Variants in STARD13 observed in about 807,000 individuals in gnomAD.
STARD13 encodes the protein StAR related lipid transfer domain containing 13.
STARD13 carries 62 observed loss-of-function variants against 106.4 expected under a neutral mutation model. That is an observed-to-expected ratio of 0.58 (90% CI 0.48 to 0.72). The LOEUF (loss-of-function observed/expected upper bound fraction) is 0.72, where lower values mean the gene tolerates loss of function less well. Among genes scored for constraint, STARD13 ranks in the 30% least tolerant of loss-of-function variants. STARD13 has a pLI of 0.00. For synonymous variants in STARD13, 565 were observed against 553.0 expected (o/e 1.02, Z -0.31); for missense variants, 1,387 against 1,424.0 (o/e 0.97, Z 0.42).
intron 1 of STARD13, among the ~76,000 whole-genome samples, chr13:33,232,366 A>T (rs1349337602): frequency 6.6e-6 from 1 of 152,166 alleles, no homozygotes; most frequent in African/African-American, 2.4e-5. Flanking sequence ...GTATTTAAAA[A>T]TTTCTTTTAT....
At chr13:33,224,825 A>G (rs147130098) in intron 1 of STARD13, among the ~76,000 whole-genome samples, 110 of 152,322 alleles carry the variant, frequency 7.2e-4, no homozygotes, top group Middle Eastern at 6.8e-3. Context: ...GAGATGTAAA[A>G]CATCACCATC....
the STARD13 span, among the ~76,000 whole-genome samples, chr13:33,580,044 G>T: frequency 1.3e-5 from 2 of 152,040 alleles, no homozygotes; most frequent in Admixed American, 1.3e-4. Context: ...ATAAGATCCT[G>T]CAGTTGCACT....
chr13:33,599,696 C>T, the STARD13 span, among the ~76,000 whole-genome samples: 2 of 151,886 alleles, frequency 1.3e-5, no homozygotes, highest in South Asian at 2.1e-4. Context: ...ACTGAACTAG[C>T]GCTATGAGAG....
At chr13:33,431,202 C>CTA in the STARD13 span, among the ~76,000 whole-genome samples, 1 of 151,994 alleles carries the variant, frequency 6.6e-6, no homozygotes, top group Non-Finnish European at 1.5e-5. Flanking sequence ...CTGTGTATAT[C>CTA]TATTGCGCAT....
At chr13:33,582,924 A>G in the STARD13 span, among the ~76,000 whole-genome samples, 1 of 152,176 alleles carries the variant, frequency 6.6e-6, no homozygotes, top group Non-Finnish European at 1.5e-5. Flanking sequence ...TTGCTTGCCC[A>G]ATTTCGGCTT....
chr13:33,546,889 G>C, the STARD13 span, among the ~76,000 whole-genome samples: 42 of 152,196 alleles, frequency 2.8e-4, no homozygotes, highest in African/African-American at 9.4e-4. Flanking sequence ...CTTTTAAAGT[G>C]AAAGTATTGA....
intron 1 of STARD13, among the ~76,000 whole-genome samples, chr13:33,322,363 CTG>C (rs1893594217): frequency 6.6e-6 from 1 of 152,204 alleles, no homozygotes; most frequent in African/African-American, 2.4e-5. Flanking sequence ...AAGGAGCTCT[CTG>C]TTTTCACTGT....
At chr13:33,610,265 G>T in the STARD13 span, among the ~76,000 whole-genome samples, 1 of 152,128 alleles carries the variant, frequency 6.6e-6, no homozygotes, top group Non-Finnish European at 1.5e-5. Context: ...GGGGAGGGGA[G>T]GGATGAAGGT....
chr13:33,535,991 T>C, the STARD13 span, among the ~76,000 whole-genome samples: 5 of 152,198 alleles, frequency 3.3e-5, no homozygotes. Flanking sequence ...GTCCTCATCA[T>C]GATCTGGAAT....
chr13:33,387,162 T>C, the STARD13 span, among the ~76,000 whole-genome samples: 2 of 152,186 alleles, frequency 1.3e-5, no homozygotes, highest in Non-Finnish European at 2.9e-5. Flanking sequence ...TGCATCACTA[T>C]GCCTAGCTAA....
chr13:33,219,924 A>G (rs186234755), intron 1 of STARD13, among the ~76,000 whole-genome samples: 8 of 152,294 alleles, frequency 5.3e-5, no homozygotes, highest in East Asian at 1.9e-4. Context: ...ACGCTTTTCC[A>G]TGATATACCC....
chr13:33,526,144 C>T, the STARD13 span, among the ~76,000 whole-genome samples: 3 of 151,470 alleles, frequency 2.0e-5, no homozygotes, highest in Non-Finnish European at 2.9e-5. Context: ...TTTTTACAGG[C>T]GTGAGCCACT....
At position 33,329,587 on chromosome 13, in the gene STARD13, C is replaced by T. The variant is rs145807536; in HGVS notation, c.124+20703G>A. On this transcript the variant is annotated intron_variant, in intron 1 of 5. Transcript: ENST00000567873. The stretch of plus-strand genomic sequence containing the variant: ...TTAGCATAACTTCCTCCAGCTTCAT[C>T]CATGTTGTCACAAATGACAGGATTT... Among the ~76,000 whole-genome samples the T allele has an allele frequency of 6.1e-3, 921 of 152,074 alleles. 11 individuals carry two copies. The highest frequency in any genetic ancestry group is 0.021 in the African/African-American group (879 of 41,448).
At chr13:33,550,269 G>A in the STARD13 span, among the ~76,000 whole-genome samples, 3 of 152,224 alleles carry the variant, frequency 2.0e-5, no homozygotes, top group East Asian at 3.9e-4. Context: ...ATGCCTTTTT[G>A]TTAGCATAAT....
the STARD13 span, among the ~76,000 whole-genome samples, chr13:33,542,986 T>C: frequency 2.6e-5 from 4 of 152,200 alleles, no homozygotes; most frequent in Non-Finnish European, 5.9e-5. Flanking sequence ...GGAGGGACTT[T>C]GTGGCGACTC....
chr13:33,327,571 A>G (rs1163159460), intron 1 of STARD13, among the ~76,000 whole-genome samples: 1 of 152,074 alleles, frequency 6.6e-6, no homozygotes, highest in African/African-American at 2.4e-5. Flanking sequence ...GGGTCTTGCT[A>G]TGTTGCCCAG....
At chr13:33,621,397 G>A in the STARD13 span, among the ~76,000 whole-genome samples, 1 of 151,830 alleles carries the variant, frequency 6.6e-6, no homozygotes, top group Non-Finnish European at 1.5e-5. Flanking sequence ...TTAAAAACTG[G>A]CCGGGCACAG....
intron 5 of STARD13, among the ~76,000 whole-genome samples, chr13:33,128,115 CAGAGAT>C (rs1464552170): frequency 6.6e-6 from 1 of 151,020 alleles, no homozygotes; most frequent in African/African-American, 2.4e-5. Flanking sequence ...AGAGGGAAGA[CAGAGAT>C]AGAGCAATAT....
the STARD13 span, among the ~76,000 whole-genome samples, chr13:33,473,286 T>A: frequency 2.0e-5 from 3 of 152,188 alleles, no homozygotes; most frequent in Admixed American, 2.0e-4. Context: ...AAGTCCAGAA[T>A]AGTAAATATC....
Sources: allele counts gnomAD v4.1 joint callset (sites outside exome capture counted in the v4.1 genomes callset), GRCh38; gene constraint gnomAD v4.1.1; transcripts MANE v1.5; gene names NCBI Gene and HGNC (gene_info 2026-07-23, HGNC 2026-07-21).